MCF2L: variants seen among roughly 807,000 people sequenced by gnomAD.
MCF2L encodes guanine nucleotide exchange factor DBS.
MCF2L carries 97 observed loss-of-function variants against 153.4 expected under a neutral mutation model. That is an observed-to-expected ratio of 0.63 (90% CI 0.54 to 0.75). MCF2L has a LOEUF of 0.75. Among genes scored for constraint, MCF2L ranks in the 30% least tolerant of loss-of-function variants. The pLI is 0.00. For synonymous variants in MCF2L, 659 were observed against 632.2 expected (o/e 1.04, Z -0.64); for missense variants, 1,347 against 1,495.2 (o/e 0.90, Z 1.64).
intron 4 of MCF2L, among the ~76,000 whole-genome samples, chr13:113,049,668 G>T (rs1321980120): frequency 6.6e-6 from 1 of 152,184 alleles, no homozygotes; most frequent in African/African-American, 2.4e-5. Flanking sequence ...CCAGCTGCCC[G>T]ACCCCACCAG....
At chr13:113,033,640 C>T (rs560867111) in intron 3 of MCF2L, among the ~76,000 whole-genome samples, 10 of 152,132 alleles carry the variant, frequency 6.6e-5, no homozygotes, top group Non-Finnish European at 1.2e-4. Context: ...ATTTCCCCCC[C>T]CCACCCCAAC....
chr13:113,063,869 T>C (rs1566829058), intron 5 of MCF2L: 1 of 445,680 alleles, frequency 2.2e-6, no homozygotes, highest in African/African-American at 2.0e-5. Context: ...AGTGGGGCTG[T>C]GAGTTTGAAG....
At chr13:112,925,739 CA>C (rs1395229604) in intron 2 of MCF2L, among the ~76,000 whole-genome samples, 1 of 152,088 alleles carries the variant, frequency 6.6e-6, no homozygotes, top group Non-Finnish European at 1.5e-5. Flanking sequence ...TGGGTACATA[CA>C]TACGTTTGAT....
chr13:112,989,036 A>G (rs63109761), intron 1 of MCF2L, among the ~76,000 whole-genome samples: 41,568 of 49,858 alleles, frequency 0.83, 17,213 homozygotes, highest in Non-Finnish European at 0.92. Flanking sequence ...TACCACGCCC[A>G]AGTCCTCCCT....
intron 3 of MCF2L, among the ~76,000 whole-genome samples, chr13:113,030,719 C>T (rs986326929): frequency 3.3e-5 from 5 of 152,222 alleles, no homozygotes; most frequent in Admixed American, 6.5e-5. Context: ...CCTAATGGAG[C>T]TCCATTTAAC....
chr13:112,996,226 G>A (rs1022307443), intron 1 of MCF2L, among the ~76,000 whole-genome samples: 8 of 152,288 alleles, frequency 5.3e-5, no homozygotes, highest in African/African-American at 7.2e-5. Context: ...AGACTAAGGC[G>A]GGAGGACCAC....
chr13:113,049,769 GCTTA>G (rs1389262168), intron 4 of MCF2L, among the ~76,000 whole-genome samples: 7 of 152,244 alleles, frequency 4.6e-5, no homozygotes, highest in African/African-American at 1.7e-4. Flanking sequence ...AGGACGCAGC[GCTTA>G]CATAATGTGC....
intron 2 of MCF2L, chr13:112,910,147 T>G (rs557761323): frequency 1.3e-5 from 2 of 152,332 alleles, no homozygotes; most frequent in East Asian, 3.9e-4. Flanking sequence ...GCTGACCTGT[T>G]CAGTTTAAAG....
At chr13:112,989,356 A>G (rs2082800701) in intron 1 of MCF2L, among the ~76,000 whole-genome samples, 1 of 132,910 alleles carries the variant, frequency 7.5e-6, no homozygotes, top group African/African-American at 2.9e-5. Context: ...CAGGACATGG[A>G]GCTACCACGC....
At position 113,053,211 on chromosome 13, in the gene MCF2L, G is replaced by C. The variant is rs765080625; in HGVS notation, c.370-7382G>C. Among the ~76,000 whole-genome samples the C allele has an allele frequency of 1.3e-5, 2 of 152,210 alleles. No individual in the cohort carries two copies. The highest frequency in any genetic ancestry group is 4.8e-5 in the African/African-American group (2 of 41,450). ...ACATGGGGCTTTCTCCACGTGCCCCGTCATGTCCTTCCTGTATTTGTTAAA... is the reference window on the plus strand; with the variant it reads ...ACATGGGGCTTTCTCCACGTGCCCCCTCATGTCCTTCCTGTATTTGTTAAA... On this transcript the variant is annotated intron_variant, in intron 4 of 29. Transcript: ENST00000535094. This position sits in a 1 kb window ranked among gnomAD's most constrained non-coding sequence, Gnocchi z 4.4.
chr13:113,070,396 A>T lies in MCF2L; in HGVS notation c.996+223A>T, dbSNP rs542248605. 1.3e-5 allele frequency: 5 copies of T among 370,972 alleles called. No individual in the cohort carries two copies. The highest frequency in any genetic ancestry group is 2.4e-5 in the Non-Finnish European group (5 of 207,588). The allele number at this position is 370,972 out of a possible 1,614,324, so 23.0% of individuals were successfully genotyped here. A position where few individuals can be genotyped will look rare whatever the true frequency, so the allele number is the denominator to read the frequency against. Reference sequence around the variant, plus strand: ...TCATTGTATAGAAAGGTGATTGAAAATCAGCTCACTGGGATGCACTTACAC... The same window carrying T: ...TCATTGTATAGAAAGGTGATTGAAATTCAGCTCACTGGGATGCACTTACAC... On this transcript the variant is annotated intron_variant, in intron 9 of 29. Transcript: ENST00000535094. The surrounding 1 kb of genome is among the most constrained non-coding windows in gnomAD (Gnocchi z 5.6).
Position 113,045,093 on chromosome 13 carries a change from C to A in MCF2L, c.279-178C>A. The stretch of plus-strand genomic sequence containing the variant: ...GCCCTTCCGTAGATGAGAGCAGGTT[C>A]TGGGACTGCGGGGATGGGGCTGCCG... On this transcript the variant is annotated intron_variant, in intron 3 of 29. Transcript: ENST00000535094. The surrounding 1 kb of genome is among the most constrained non-coding windows in gnomAD (Gnocchi z 4.2). 1 of 932,382 alleles carries A rather than the reference C, an allele frequency of 1.1e-6. No homozygotes were observed. Among genetic ancestry groups the A allele is most frequent in the Non-Finnish European group, 1.6e-6 (1 of 607,224 alleles). 57.8% of individuals were successfully genotyped at this position (932,382 alleles called of 1,614,324 possible). A position where few individuals can be genotyped will look rare whatever the true frequency, so the allele number is the denominator to read the frequency against.
chr13:113,061,725 GCCCTCCCCTCCCTCTTCCCTTTC>G (rs2031474977), intron 5 of MCF2L, among the ~76,000 whole-genome samples: 1 of 17,616 alleles, frequency 5.7e-5, no homozygotes, highest in Non-Finnish European at 1.2e-4. Flanking sequence ...CCTCCCCCTT[GCCCTCCCCTCCCTCTTCCCTTTC>G]CCCTCCCTTC....
chr13:112,917,309 G>A (rs536888122), intron 2 of MCF2L: 25 of 383,084 alleles, frequency 6.5e-5, no homozygotes, highest in African/African-American at 3.1e-4. Context: ...GCACCTCTCC[G>A]TCCAGTTCCT....
At chr13:113,013,092 G>A (rs2084278893) in intron 1 of MCF2L, among the ~76,000 whole-genome samples, 1 of 152,162 alleles carries the variant, frequency 6.6e-6, no homozygotes, top group Non-Finnish European at 1.5e-5. Context: ...CCTGGTGAGA[G>A]AGAAAAACTT....
At chr13:112,902,518 G>A in intron 2 of MCF2L, 1 of 846,182 alleles carries the variant, frequency 1.2e-6, no homozygotes, top group Non-Finnish European at 1.7e-6. Context: ...CAGGCTGTGG[G>A]AGGGGCCTCG....
intron 2 of MCF2L, among the ~76,000 whole-genome samples, chr13:112,945,556 C>A (rs972249421): frequency 2.6e-5 from 4 of 152,258 alleles, no homozygotes; most frequent in African/African-American, 9.6e-5. Flanking sequence ...GTAGTCACTG[C>A]TTTGCAGTGA....
At chr13:112,896,459 C>A (rs534858397) in intron 1 of MCF2L, among the ~76,000 whole-genome samples, 1 of 151,954 alleles carries the variant, frequency 6.6e-6, no homozygotes, top group East Asian at 1.9e-4. Flanking sequence ...GAAGAGAGGC[C>A]CCCCCTGTCT....
At chr13:113,081,567 C>T (rs1169693821) in intron 16 of MCF2L, among the ~76,000 whole-genome samples, 1 of 152,268 alleles carries the variant, frequency 6.6e-6, no homozygotes, top group African/African-American at 2.4e-5. Context: ...GTCACCAACA[C>T]AGGCCACAGG....
Sources: gnomAD v4.1 joint callset for allele counts (sites outside exome capture counted in the v4.1 genomes callset) on GRCh38, gnomAD v4.1.1 for gene constraint, Gnocchi (gnomAD v3.1) non-coding constraint, MANE v1.5 for transcripts, NCBI Gene and HGNC (gene_info 2026-07-23, HGNC 2026-07-21) for gene names.